ALMS1: variants seen among roughly 807,000 people sequenced by gnomAD.
The protein encoded by ALMS1 is centrosome-associated protein ALMS1.
Under a neutral mutation model 352.2 loss-of-function variants are expected in ALMS1, and 271 were observed. The observed-to-expected ratio is 0.77, with a 90% CI of 0.70 to 0.85. The LOEUF is 0.85. ALMS1 is among the 40% of genes least tolerant of loss of function. ALMS1 has a pLI of 0.00. For missense variants in ALMS1, 5,445 were observed against 4,870.7 expected, an observed-to-expected ratio of 1.12 and a Z score of -3.51; for synonymous variants, 1,865 against 1,761.2, an observed-to-expected ratio of 1.06 and a Z score of -1.48.
intron 1 of ALMS1, among the ~76,000 whole-genome samples, chr2:73,395,964 T>TA (rs909112496): frequency 2.0e-5 from 3 of 151,844 alleles, no homozygotes; most frequent in Non-Finnish European, 2.9e-5. Context: ...GCTGATGAGC[T>TA]AAAAAAAATT....
At chr2:73,481,341 C>A (rs1672699122) in intron 9 of ALMS1, among the ~76,000 whole-genome samples, 1 of 152,122 alleles carries the variant, frequency 6.6e-6, no homozygotes. Context: ...GGAATCCTTT[C>A]CCCATTGCTT....
At chr2:73,598,512 A>G (rs913043857) in intron 16 of ALMS1, among the ~76,000 whole-genome samples, 1 of 152,158 alleles carries the variant, frequency 6.6e-6, no homozygotes, top group African/African-American at 2.4e-5. Context: ...AAATTCTGTT[A>G]CAAGTTTCTT....
At chr2:73,573,636 T>C in intron 16 of ALMS1, 1 of 666,994 alleles carries the variant, frequency 1.5e-6, no homozygotes, top group Non-Finnish European at 2.7e-6. Context: ...ACCTTTTGAA[T>C]GAAGGGCTTT....
intron 21 of ALMS1, among the ~76,000 whole-genome samples, chr2:73,606,478 G>A (rs1675820253): frequency 6.6e-6 from 1 of 152,224 alleles, no homozygotes; most frequent in South Asian, 2.1e-4. Flanking sequence ...CTTGCCTACA[G>A]GAAGACAGCC....
At chr2:73,470,444 G>C (rs1343189768) in intron 9 of ALMS1, 1 of 151,716 alleles carries the variant, frequency 6.6e-6, no homozygotes, top group Non-Finnish European at 1.5e-5. Context: ...TGTTTTAAGA[G>C]TGTGTTGTTA....
At chr2:73,522,271 A>G (rs1421784760) in intron 11 of ALMS1, among the ~76,000 whole-genome samples, 1 of 152,230 alleles carries the variant, frequency 6.6e-6, no homozygotes, top group Admixed American at 6.5e-5. Flanking sequence ...TGTGAACTGC[A>G]TGGCATATTC....
chr2:73,598,562 G>A (rs959645441), intron 16 of ALMS1, among the ~76,000 whole-genome samples: 4 of 152,084 alleles, frequency 2.6e-5, no homozygotes, highest in Non-Finnish European at 5.9e-5. Context: ...CAAGGGATCA[G>A]ATATGCTCAG....
intron 10 of ALMS1, among the ~76,000 whole-genome samples, chr2:73,507,386 C>T (rs1002423953): frequency 4.6e-5 from 7 of 152,082 alleles, no homozygotes; most frequent in East Asian, 1.9e-4. Flanking sequence ...TGGTAGAATT[C>T]GGCTGTGAAT....
At chr2:73,556,963 A>G (rs1374701755) in intron 13 of ALMS1, among the ~76,000 whole-genome samples, 1 of 152,074 alleles carries the variant, frequency 6.6e-6, no homozygotes, top group African/African-American at 2.4e-5. Context: ...CAGCCTCCCA[A>G]AGTGCTGGGA....
At chr2:73,423,479 AATTC>A (rs1671321506) in intron 4 of ALMS1, among the ~76,000 whole-genome samples, 1 of 152,202 alleles carries the variant, frequency 6.6e-6, no homozygotes, top group Admixed American at 6.5e-5. Context: ...AGATACTCCA[AATTC>A]ATGTCCTTTA....
intron 3 of ALMS1, among the ~76,000 whole-genome samples, chr2:73,420,624 GT>G (rs942560903): frequency 6.6e-6 from 1 of 152,176 alleles, no homozygotes; most frequent in Non-Finnish European, 1.5e-5. Flanking sequence ...TGAGCTTCAT[GT>G]CACTGCAAAA....
intron 11 of ALMS1, among the ~76,000 whole-genome samples, chr2:73,527,073 A>T (rs906979204): frequency 9.9e-5 from 15 of 152,108 alleles, no homozygotes; most frequent in African/African-American, 3.1e-4. Flanking sequence ...CATCACATTG[A>T]TTGATTAGCA....
chr2:73,571,277 G>A (rs1301022062), intron 15 of ALMS1, among the ~76,000 whole-genome samples: 1 of 152,164 alleles, frequency 6.6e-6, no homozygotes, highest in Non-Finnish European at 1.5e-5. Flanking sequence ...CTTTGTTTCT[G>A]CCCATGATGT....
chr2:73,588,478 T>C (rs1675355783), intron 16 of ALMS1, among the ~76,000 whole-genome samples: 1 of 152,150 alleles, frequency 6.6e-6, no homozygotes, highest in Admixed American at 6.6e-5. Context: ...TTTAATGTTA[T>C]TGCTATGTTT....
At chr2:73,496,264 C>T (rs1433748204) in intron 10 of ALMS1, among the ~76,000 whole-genome samples, 2 of 152,210 alleles carry the variant, frequency 1.3e-5, no homozygotes, top group Admixed American at 6.5e-5. Flanking sequence ...TGATCCCTCA[C>T]CCCTGGCAGT....
chr2:73,455,342 G>T (rs1224837745), intron 9 of ALMS1, 47 bp downstream of exon 9: 25 of 1,608,466 alleles, frequency 1.6e-5, no homozygotes, highest in East Asian at 2.2e-5. Flanking sequence ...GAAAGAATGG[G>T]TGATGGAATT....
intron 7 of ALMS1, among the ~76,000 whole-genome samples, chr2:73,436,359 A>T (rs1034971581): frequency 2.6e-5 from 4 of 152,066 alleles, no homozygotes; most frequent in African/African-American, 9.7e-5. Context: ...CTCTATGTGA[A>T]TCTCTGTGTT....
In ALMS1 at chr2:73,385,947, G is replaced by A; in HGVS notation, c.79G>A (p.Glu27Lys). 3 of 1,301,072 alleles carry A rather than the reference G, an allele frequency of 2.3e-6. No homozygotes were observed. The highest frequency in any genetic ancestry group is 1.3e-5 in the South Asian group (1 of 77,830). 80.6% of individuals were successfully genotyped at this position (1,301,072 alleles called of 1,614,324 possible). Residue 27 changes from glutamate (E) to lysine (K), a missense_variant, in exon 1 of 23, where the codon GAG (glutamate) becomes AAG (lysine). Physicochemically the swap from Glu to Lys is moderately conservative, Grantham distance 56. Transcript: ENST00000613296. ...GGAGGAGGAGGAGGAGGAGGAAGAG[G>A]AGGAGGCTGCAGCGGCGGCGGCGGC... Reference protein sequence around the residue: ...EEEEEEEEEEEEAAAAAAANV... With the variant: ...EEEEEEEEEEKEAAAAAAANV...
At chr2:73,409,871 G>A (rs1163720592) in intron 2 of ALMS1, among the ~76,000 whole-genome samples, 2 of 152,164 alleles carry the variant, frequency 1.3e-5, no homozygotes, top group African/African-American at 4.8e-5. Context: ...TCCAATTCAA[G>A]TCCAAAGGCT....
Sources: allele counts gnomAD v4.1 joint callset (sites outside exome capture counted in the v4.1 genomes callset), GRCh38; gene constraint gnomAD v4.1.1; transcripts MANE v1.5; gene names NCBI Gene and HGNC (gene_info 2026-07-23, HGNC 2026-07-21).